L3MBTL2: variants seen among roughly 807,000 people sequenced by gnomAD.
L3MBTL2 encodes the protein lethal(3)malignant brain tumor-like protein 2.
Under a neutral mutation model 86.4 loss-of-function variants are expected in L3MBTL2, and 49 were observed. That is an observed-to-expected ratio of 0.57 (90% CI 0.45 to 0.72). The LOEUF (loss-of-function observed/expected upper bound fraction) is 0.72, where lower values mean the gene tolerates loss of function less well. L3MBTL2 is among the 30% of genes least tolerant of loss of function. The probability of loss-of-function intolerance (pLI) is 0.00; values close to 1 mark genes in which losing one functional copy is unlikely to be tolerated. For synonymous variants in L3MBTL2, 336 were observed against 350.6 expected (o/e 0.96, Z 0.47); for missense variants, 755 against 923.7 (o/e 0.82, Z 2.37).
intron 2 of L3MBTL2, among the ~76,000 whole-genome samples, chr22:41,212,935 C>A (rs879392518): frequency 1.9e-4 from 28 of 150,560 alleles, no homozygotes; most frequent in African/African-American, 6.6e-4. Flanking sequence ...AAACACTGAT[C>A]TAGCTGGGCG....
At chr22:41,208,256 A>G (rs529548007) in intron 1 of L3MBTL2, 4 of 410,722 alleles carry the variant, frequency 9.7e-6, no homozygotes, top group African/African-American at 2.1e-5. Flanking sequence ...CTCAGCTCCA[A>G]GAAGCTGGGA....
chr22:41,219,564 G>A, intron 6 of L3MBTL2, 28 bp downstream of exon 6: 1 of 1,417,510 alleles, frequency 7.1e-7, no homozygotes, highest in Non-Finnish European at 1.0e-6. Flanking sequence ...GCAGGGCCAG[G>A]GATGTGTCTG....
rs758719793 is a variant in L3MBTL2, at chr22:41,224,756, C to T, written c.1206C>T (p.Thr402=). The T allele has an allele frequency of 1.5e-5, 25 of 1,613,928 alleles. No homozygotes were observed. In the Admixed American group the frequency reaches 2.8e-4, roughly 18 times the overall value. Residue 402 remains threonine, a synonymous_variant, in exon 10 of 17, where the codon ACC becomes ACT. Coordinates refer to ENST00000216237, the MANE Select transcript of L3MBTL2 (RefSeq NM_031488.5). The surrounding 1 kb of genome is among the most constrained non-coding windows in gnomAD (Gnocchi z 4.9). The part of the protein sequence containing the change: ...ERRSDMAHHP[T]FRKIYCDAVP... ...GAAGTGACATGGCCCATCACCCCAC[C>T]TTCCGGAAGATCTACTGTGATGCCG... is the stretch of plus-strand genomic sequence containing the variant.
chr22:41,228,300 G>C, intron 15 of L3MBTL2: 1 of 985,480 alleles, frequency 1.0e-6, no homozygotes, highest in Non-Finnish European at 1.2e-6. Flanking sequence ...GGGTGGGAGA[G>C]GGTGGGAGCA....
Position 41,221,256 on chromosome 22 carries a change from C to T in L3MBTL2, c.911C>T (p.Ser304Phe). 1 of 1,551,674 alleles carries T rather than the reference C, an allele frequency of 6.4e-7. No individual in the cohort carries two copies. Among genetic ancestry groups the T allele is most frequent in the Non-Finnish European group, 8.7e-7 (1 of 1,146,936 alleles). Residue 304 changes from serine to phenylalanine, a missense_variant, in exon 8 of 17, where the codon TCC becomes TTC. Physicochemically the swap from Ser to Phe is radical, Grantham distance 155. Transcript: ENST00000216237. The part of the protein sequence containing the change: ...KGYLMKRLVG[S>F]RTLPVDFHIK... The stretch of plus-strand genomic sequence containing the variant: ...TACCTCATGAAACGGCTGGTGGGCT[C>T]CAGGACGCTTCCCGTGGATTTCCAC...
At position 41,225,580 on chromosome 22, in the gene L3MBTL2, G is replaced by T. The variant is rs1395290092; in HGVS notation, c.1357-214G>T. The stretch of plus-strand genomic sequence containing the variant: ...GATGGACGCGGCCCCTGCTGGCGTG[G>T]TGTTTGCTGTCTAGTGGGGAAGAGA... On this transcript the variant is annotated intron_variant, in intron 11 of 16. Coordinates refer to ENST00000216237, the MANE Select transcript of L3MBTL2 (RefSeq NM_031488.5). The surrounding 1 kb of genome is among the most constrained non-coding windows in gnomAD (Gnocchi z 4.1). 2.0e-5 allele frequency among the ~76,000 whole-genome samples: 3 copies of T among 152,232 alleles called. No homozygotes were observed. Among genetic ancestry groups the T allele is most frequent in the African/African-American group, 7.2e-5 (3 of 41,466 alleles).
intron 8 of L3MBTL2, among the ~76,000 whole-genome samples, chr22:41,223,622 C>T (rs1039254770): frequency 1.3e-5 from 2 of 152,232 alleles, no homozygotes; most frequent in African/African-American, 2.4e-5. Context: ...ATGAGGAGCA[C>T]AGGCTGCACA....
In L3MBTL2 at chr22:41,227,653, C is replaced by G. The variant is rs1569152847; in HGVS notation, c.1823-151C>G. The G allele has an allele frequency of 6.4e-7, 1 of 1,556,018 alleles. No homozygotes were observed. The highest frequency in any genetic ancestry group is 8.7e-7 in the Non-Finnish European group (1 of 1,149,666). ...GACAGCTGTTCTCCGGCCCCTCCTC[C>G]AGCCCCGCCCTCTCCTCATTGCCCA... is the stretch of plus-strand genomic sequence containing the variant. On this transcript the variant is annotated intron_variant, in intron 14 of 16. Transcript: ENST00000216237. The surrounding 1 kb of genome is among the most constrained non-coding windows in gnomAD (Gnocchi z 6.0).
intron 2 of L3MBTL2, among the ~76,000 whole-genome samples, chr22:41,212,146 G>A (rs552923680): frequency 6.6e-6 from 1 of 152,302 alleles, no homozygotes; most frequent in South Asian, 2.1e-4. Flanking sequence ...TTGCAGGCGT[G>A]AGCCACCGCT....
chr22:41,211,915 A>G (rs139443), intron 2 of L3MBTL2, among the ~76,000 whole-genome samples: 53,341 of 125,664 alleles, frequency 0.42, 11,490 homozygotes, highest in African/African-American at 0.56. Flanking sequence ...CCAGGCCGGA[A>G]CGCAGTGGCA....
At chr22:41,223,986 G>T (rs780232329) in intron 8 of L3MBTL2, 34 bp from the exon 9 acceptor site, 2 of 1,556,222 alleles carry the variant, frequency 1.3e-6, no homozygotes, top group Admixed American at 1.7e-5. Context: ...AGAGCCCTGA[G>T]CCATAGCAGG....
chr22:41,221,096 A>G, intron 7 of L3MBTL2, 103 bp from the exon 8 acceptor site: 1 of 1,061,870 alleles, frequency 9.4e-7, no homozygotes, highest in Non-Finnish European at 1.4e-6. Context: ...AGCTATTTTC[A>G]GTCCCCACTG....
In L3MBTL2 at chr22:41,219,503, G is replaced by C; in HGVS notation, c.685G>C (p.Val229Leu). The part of the protein sequence containing the change: ...LNSDAVLPSR[V>L]YWIASVIQTA... ...CAGTGATGCTGTGCTCCCCAGCCGG[G>C]TGTACTGGATCGCCTCTGTCATCCA... The change falls in exon 6 of 17, where the codon GTG becomes CTG. Residue 229 changes from valine to leucine, a missense_variant. This residue lies in a region of L3MBTL2 where 634 missense variants were observed against 748.9 expected (regional missense o/e 0.85). Transcript: ENST00000216237. 6.2e-7 allele frequency: 1 copy of C among 1,613,870 alleles called. No individual in the cohort carries two copies.
At chr22:41,228,231 C>T (rs2032328085) in intron 15 of L3MBTL2, 3 of 985,360 alleles carry the variant, frequency 3.0e-6, no homozygotes, top group Non-Finnish European at 2.4e-6. Context: ...GGAAAAGCCA[C>T]AGGAAGAAAT....
At position 41,227,377 on chromosome 22, in the gene L3MBTL2, C is replaced by G. The variant is rs1464389624; in HGVS notation, c.1822+54C>G. 3 of 1,480,000 alleles carry G rather than the reference C, an allele frequency of 2.0e-6. No individual in the cohort carries two copies. In the Admixed American group the frequency reaches 5.9e-5, roughly 29 times the overall value. 91.7% of individuals were successfully genotyped at this position (1,480,000 alleles called of 1,614,324 possible). On this transcript the variant is annotated intron_variant, in intron 14 of 16. Coordinates refer to ENST00000216237, the MANE Select transcript of L3MBTL2 (RefSeq NM_031488.5). The surrounding 1 kb of genome is among the most constrained non-coding windows in gnomAD (Gnocchi z 6.0). ...CTGACTTTCTTTCCTCTTCTTTTTT[C>G]CTTCTTCCCCCGCCCCTGTGCCCAT...
At position 41,220,868 on chromosome 22, in the gene L3MBTL2, A is replaced by C. The variant is rs770934566; in HGVS notation, c.853A>C (p.Thr285Pro). Residue 285 changes from threonine to proline, a missense_variant and splice_region_variant, in exon 7 of 17, where the codon ACC (threonine) becomes CCC (proline). By Grantham distance (38) the Thr-to-Pro change is conservative. Around this residue, in one of 3 missense-constraint regions of L3MBTL2, gnomAD observed 634 missense variants for 748.9 expected, o/e 0.85. Transcript: ENST00000216237. ...CAGCAAGATCCTAGTGCCCCCACGGAGTGAGTTGATGAGAACATTTCCTCT... is the reference window on the plus strand; with the variant it reads ...CAGCAAGATCCTAGTGCCCCCACGGCGTGAGTTGATGAGAACATTTCCTCT... ...INSKILVPPRTIHAKFTDWKG... is the reference protein window; with the variant it reads ...INSKILVPPRPIHAKFTDWKG... The C allele has an allele frequency of 3.7e-6, 6 of 1,612,518 alleles. No homozygotes were observed. The highest frequency in any genetic ancestry group is 3.4e-6 in the Non-Finnish European group (4 of 1,178,962).
chr22:41,224,791 T>C lies in L3MBTL2; in HGVS notation c.1241T>C (p.Leu414Pro). 1 of 1,613,640 alleles carries C rather than the reference T, an allele frequency of 6.2e-7. No individual in the cohort carries two copies. Among genetic ancestry groups the C allele is most frequent in the Non-Finnish European group, 8.5e-7 (1 of 1,179,582 alleles). Reference protein sequence around the residue: ...RKIYCDAVPYLFKKVRAVYTE... With the variant: ...RKIYCDAVPYPFKKVRAVYTE... ...ATCTACTGTGATGCCGTTCCTTACC[T>C]CTTCAAGAAGGTGAGGTTCAGCTCT... The change falls in exon 10 of 17, where the codon CTC becomes CCC. Residue 414 changes from leucine (L) to proline (P), a missense_variant. This residue lies in a region of L3MBTL2 where 634 missense variants were observed against 748.9 expected (regional missense o/e 0.85). Transcript: ENST00000216237. This position sits in a 1 kb window ranked among gnomAD's most constrained non-coding sequence, Gnocchi z 4.9.
At chr22:41,228,748 G>T (rs909842944) in intron 15 of L3MBTL2, among the ~76,000 whole-genome samples, 1 of 152,042 alleles carries the variant, frequency 6.6e-6, no homozygotes, top group Admixed American at 6.6e-5. Context: ...TACTTGGGAG[G>T]CTGAGGCAGG....
At chr22:41,228,306 G>A (rs1160359677) in intron 15 of L3MBTL2, 14 of 985,260 alleles carry the variant, frequency 1.4e-5, no homozygotes, top group African/African-American at 7.0e-5. Context: ...GAGAGGGTGG[G>A]AGCAAAGGCA....
Sources: allele counts gnomAD v4.1 joint callset (sites outside exome capture counted in the v4.1 genomes callset), GRCh38; gene constraint gnomAD v4.1.1; regional missense constraint gnomAD v4.1.1; non-coding constraint Gnocchi (gnomAD v3.1); transcripts MANE v1.5; gene names NCBI Gene and HGNC (gene_info 2026-07-23, HGNC 2026-07-21).